The following CNTNAP2 variants were observed in gnomAD, a reference collection of about 807,000 sequenced individuals.
CNTNAP2 encodes the protein contactin-associated protein-like 2.
CNTNAP2 carries 98 observed loss-of-function variants against 155.2 expected under a neutral mutation model. The observed-to-expected ratio is 0.63, with a 90% CI of 0.54 to 0.75. The LOEUF (loss-of-function observed/expected upper bound fraction) is 0.75. Ranked by LOEUF, CNTNAP2 falls within the 30% of genes least tolerant of loss-of-function variation. CNTNAP2 has a pLI of 0.00. For missense variants in CNTNAP2, 1,727 were observed against 1,688.1 expected, an observed-to-expected ratio of 1.02 and a Z score of -0.40; for synonymous variants, 651 against 631.2, an observed-to-expected ratio of 1.03 and a Z score of -0.47.
At chr7:147,610,145 A>G (rs1801154482) in intron 12 of CNTNAP2, among the ~76,000 whole-genome samples, 1 of 152,246 alleles carries the variant, frequency 6.6e-6, no homozygotes, top group Non-Finnish European at 1.5e-5. Flanking sequence ...CAATTGTAAT[A>G]TAAACACGGA....
intron 21 of CNTNAP2, among the ~76,000 whole-genome samples, chr7:148,368,440 G>T (rs1368248285): frequency 1.3e-5 from 2 of 152,234 alleles, no homozygotes; most frequent in Admixed American, 1.3e-4. Flanking sequence ...TGATGGTTAA[G>T]AGCATGAGTT....
intron 1 of CNTNAP2, among the ~76,000 whole-genome samples, chr7:146,659,195 T>C (rs1800043813): frequency 6.6e-6 from 1 of 152,202 alleles, no homozygotes; most frequent in Non-Finnish European, 1.5e-5. Flanking sequence ...CAGAGAAGAT[T>C]ATGGGAATGT....
intron 1 of CNTNAP2, among the ~76,000 whole-genome samples, chr7:146,578,912 T>A (rs779612862): frequency 6.6e-6 from 1 of 152,144 alleles, no homozygotes; most frequent in East Asian, 1.9e-4. Flanking sequence ...TTCAATAGTA[T>A]GCTTCCTATT....
At chr7:147,667,709 C>G (rs896899194) in intron 13 of CNTNAP2, among the ~76,000 whole-genome samples, 1 of 152,006 alleles carries the variant, frequency 6.6e-6, no homozygotes, top group South Asian at 2.1e-4. Flanking sequence ...CAAACACCAC[C>G]TCTTTGATTC....
intron 12 of CNTNAP2, among the ~76,000 whole-genome samples, chr7:147,638,535 ATAAT>A (rs1412459120): frequency 6.6e-6 from 1 of 152,230 alleles, no homozygotes; most frequent in Non-Finnish European, 1.5e-5. Flanking sequence ...AATCACCAAG[ATAAT>A]TAGTCACTTG....
intron 2 of CNTNAP2, among the ~76,000 whole-genome samples, chr7:146,835,130 T>G (rs1803591611): frequency 6.6e-6 from 1 of 152,228 alleles, no homozygotes; most frequent in Non-Finnish European, 1.5e-5. Flanking sequence ...TAACAATAAA[T>G]TCTATTTTGC....
intron 14 of CNTNAP2, among the ~76,000 whole-genome samples, chr7:147,926,115 A>G (rs1475104967): frequency 6.6e-6 from 1 of 152,192 alleles, no homozygotes; most frequent in Non-Finnish European, 1.5e-5. Flanking sequence ...ATGATATTTG[A>G]GCTGATTATA....
chr7:147,828,703 C>G (rs575859083), intron 13 of CNTNAP2, among the ~76,000 whole-genome samples: 1 of 152,136 alleles, frequency 6.6e-6, no homozygotes, highest in East Asian at 1.9e-4. Context: ...CATAAATGTT[C>G]ACTGATACTC....
At chr7:146,764,541 G>A (rs950026286) in intron 1 of CNTNAP2, among the ~76,000 whole-genome samples, 1 of 149,908 alleles carries the variant, frequency 6.7e-6, no homozygotes, top group South Asian at 2.1e-4. Flanking sequence ...TAAAAAAAAA[G>A]CCTCACAAAT....
intron 1 of CNTNAP2, among the ~76,000 whole-genome samples, chr7:146,270,981 G>C (rs889330986): frequency 6.6e-6 from 1 of 152,046 alleles, no homozygotes; most frequent in African/African-American, 2.4e-5. Context: ...AAATGAGTAT[G>C]TAAACATCAA....
chr7:147,667,088 C>T (rs2116960353), intron 13 of CNTNAP2, among the ~76,000 whole-genome samples: 1 of 152,286 alleles, frequency 6.6e-6, no homozygotes, highest in African/African-American at 2.4e-5. Context: ...CTGGACCCAA[C>T]TACAATGTTG....
At chr7:148,124,885 C>T (rs1277039887) in intron 16 of CNTNAP2, among the ~76,000 whole-genome samples, 3 of 151,970 alleles carry the variant, frequency 2.0e-5, no homozygotes, top group Admixed American at 6.6e-5. Flanking sequence ...GGGAATGCTT[C>T]AGTTGGGTCA....
At chr7:148,151,535 A>T (rs1416014678) in intron 17 of CNTNAP2, among the ~76,000 whole-genome samples, 1 of 152,070 alleles carries the variant, frequency 6.6e-6, no homozygotes, top group Non-Finnish European at 1.5e-5. Flanking sequence ...ACCTCAAGTG[A>T]TCTGCCCGCC....
rs1796978063 is a variant in CNTNAP2, at chr7:146,482,545, C to A, written c.98-291726C>A. The stretch of plus-strand genomic sequence containing the variant: ...GGATCATAAGGTTAAGAGATTGAGA[C>A]CATCCTGGCCAACATGGTGAAACCC... On this transcript the variant is annotated intron_variant, in intron 1 of 23. Coordinates refer to ENST00000361727, the MANE Select transcript of CNTNAP2 (RefSeq NM_014141.6). Among the ~76,000 whole-genome samples, 3 of 151,788 alleles carry A rather than the reference C, an allele frequency of 2.0e-5. No individual in the cohort carries two copies. In the South Asian group the frequency reaches 6.2e-4, roughly 32 times the overall value.
intron 10 of CNTNAP2, among the ~76,000 whole-genome samples, chr7:147,441,842 TCTCTCTCTCCCTCCCTCC>T (rs1209455085): frequency 1.4e-4 from 16 of 114,486 alleles, no homozygotes; most frequent in Admixed American, 2.6e-4. Flanking sequence ...TCTCTCTCTC[TCTCTCTCTCCCTCCCTCC>T]CTCCCTCCCT....
intron 14 of CNTNAP2, among the ~76,000 whole-genome samples, chr7:147,909,655 G>T (rs1217029347): frequency 1.3e-5 from 2 of 152,170 alleles, no homozygotes; most frequent in Admixed American, 1.3e-4. Context: ...ACGAGTCTTG[G>T]TCTCAGCTAA....
chr7:147,925,780 A>G (rs1468030414), intron 14 of CNTNAP2, among the ~76,000 whole-genome samples: 2 of 152,202 alleles, frequency 1.3e-5, no homozygotes, highest in African/African-American at 4.8e-5. Flanking sequence ...ATTTTAACAA[A>G]TGTATAATGA....
At chr7:146,462,642 A>G (rs1263828645) in intron 1 of CNTNAP2, among the ~76,000 whole-genome samples, 1 of 152,242 alleles carries the variant, frequency 6.6e-6, no homozygotes, top group Non-Finnish European at 1.5e-5. Flanking sequence ...AATATAGCAC[A>G]CAAAATAGTA....
At chr7:147,589,136 T>C (rs775811644) in intron 12 of CNTNAP2, among the ~76,000 whole-genome samples, 1 of 152,224 alleles carries the variant, frequency 6.6e-6, no homozygotes, top group Admixed American at 6.5e-5. Context: ...ACATTTAGTA[T>C]TGAATGTTTC....
Sources: gnomAD v4.1 joint callset for allele counts (sites outside exome capture counted in the v4.1 genomes callset) on GRCh38, gnomAD v4.1.1 for gene constraint, MANE v1.5 for transcripts, NCBI Gene and HGNC (gene_info 2026-07-23, HGNC 2026-07-21) for gene names.